The following ARL3 variants were observed in gnomAD, a reference collection of about 807,000 sequenced individuals.
ARL3 encodes ARF like GTPase 3.
Under a neutral mutation model 26.0 loss-of-function variants are expected in ARL3, and 9 were observed. The observed-to-expected ratio is 0.35, with a 90% CI of 0.21 to 0.60. The LOEUF is 0.60. Ranked by LOEUF, ARL3 falls within the 20% of genes least tolerant of loss-of-function variation. The probability of loss-of-function intolerance (pLI) is 0.78; values close to 1 mark genes in which losing one functional copy is unlikely to be tolerated. For synonymous variants in ARL3, 71 were observed against 78.4 expected, an observed-to-expected ratio of 0.91 and a Z score of 0.50; for missense variants, 158 against 215.7, an observed-to-expected ratio of 0.73 and a Z score of 1.67.
intron 1 of ARL3, among the ~76,000 whole-genome samples, chr10:102,710,160 G>C (rs934019481): frequency 2.0e-5 from 3 of 152,190 alleles, no homozygotes; most frequent in Non-Finnish European, 4.4e-5. Flanking sequence ...TCACCTTTGA[G>C]TGAAATTACA....
intron 4 of ARL3, 69 bp from the exon 5 acceptor site, chr10:102,686,070 AC>A: frequency 6.1e-6 from 7 of 1,146,774 alleles, no homozygotes; most frequent in East Asian, 2.7e-5. Context: ...ACCATACACT[AC>A]TTTTTTTTTT....
chr10:102,689,167 A>G (rs920269541), intron 4 of ARL3, among the ~76,000 whole-genome samples: 2 of 152,096 alleles, frequency 1.3e-5, no homozygotes, highest in Non-Finnish European at 2.9e-5. Flanking sequence ...TACTAAAAAT[A>G]CAAAAAAATT....
intron 2 of ARL3, among the ~76,000 whole-genome samples, chr10:102,703,262 C>G (rs1330412179): frequency 3.3e-5 from 5 of 151,220 alleles, no homozygotes; most frequent in Non-Finnish European, 5.9e-5. Flanking sequence ...GCTGGGATAA[C>G]AGGTGCACAC....
chr10:102,681,663 G>T (rs534792143), intron 5 of ARL3, among the ~76,000 whole-genome samples: 1 of 152,254 alleles, frequency 6.6e-6, no homozygotes, highest in East Asian at 1.9e-4. Flanking sequence ...AGGTGAGCAT[G>T]AGGGGGTGGC....
At chr10:102,690,726 G>T (rs2064212537) in intron 3 of ARL3, among the ~76,000 whole-genome samples, 1 of 152,100 alleles carries the variant, frequency 6.6e-6, no homozygotes, top group African/African-American at 2.4e-5. Context: ...GGCCTAAAGA[G>T]AAATGGAAGA....
chr10:102,708,908 A>ATATATATTTTTTTTTT, intron 1 of ARL3, among the ~76,000 whole-genome samples: 2 of 95,350 alleles, frequency 2.1e-5, no homozygotes, highest in East Asian at 3.1e-4. Flanking sequence ...ATATATATAT[A>ATATATATTTTTTTTTT]TTTTTTTTTT....
chr10:102,689,774 G>C, intron 4 of ARL3, 119 bp downstream of exon 4: 1 of 487,572 alleles, frequency 2.1e-6, no homozygotes, highest in Non-Finnish European at 3.6e-6. Context: ...GTTGGGGTGA[G>C]CCGAGATCAT....
rs1338864076 is a variant in ARL3, at chr10:102,676,359, C to T, written c.*535G>A. 1.3e-5 allele frequency: 2 copies of T among 152,704 alleles called. No individual in the cohort carries two copies. The highest frequency in any genetic ancestry group is 4.8e-5 in the African/African-American group (2 of 41,494). 9.5% of individuals were successfully genotyped at this position (152,704 alleles called of 1,614,324 possible). On this transcript the variant is annotated 3_prime_UTR_variant, in exon 6 of 6. Coordinates refer to ENST00000260746, the MANE Select transcript of ARL3 (RefSeq NM_004311.4). ...TTTAATTATCTGCCTTTTCTCCCCCCACCCCCACCCAGCAGCTTCCTGTCG... is the reference window on the plus strand; with the variant it reads ...TTTAATTATCTGCCTTTTCTCCCCCTACCCCCACCCAGCAGCTTCCTGTCG...
At chr10:102,688,116 G>A (rs1336638156) in intron 4 of ARL3, among the ~76,000 whole-genome samples, 1 of 152,180 alleles carries the variant, frequency 6.6e-6, no homozygotes, top group East Asian at 1.9e-4. Context: ...TAGGTTATAG[G>A]TTGGGGTCTA....
intron 2 of ARL3, among the ~76,000 whole-genome samples, chr10:102,702,152 A>G (rs148788815): frequency 9.5e-4 from 144 of 152,170 alleles, no homozygotes; most frequent in African/African-American, 3.3e-3. Context: ...GGATGGTGCC[A>G]CTGTACTCCA....
At chr10:102,684,400 C>T (rs1198026018) in intron 5 of ARL3, among the ~76,000 whole-genome samples, 12 of 152,086 alleles carry the variant, frequency 7.9e-5, no homozygotes, top group East Asian at 3.9e-4. Flanking sequence ...CTGCCTGCCT[C>T]GGCCTCCCAA....
intron 1 of ARL3, among the ~76,000 whole-genome samples, chr10:102,713,973 C>T (rs1472173854): frequency 1.3e-5 from 2 of 152,220 alleles, no homozygotes; most frequent in African/African-American, 4.8e-5. Flanking sequence ...GCCCTCACCC[C>T]TGTCCCCAGA....
At position 102,699,466 on chromosome 10, in the gene ARL3, T is replaced by C. The variant is rs1158298291; in HGVS notation, c.171A>G (p.Gln57=). 3 of 1,609,200 alleles carry C rather than the reference T, an allele frequency of 1.9e-6. No individual in the cohort carries two copies. Among genetic ancestry groups the C allele is most frequent in the Middle Eastern group, 1.7e-4 (1 of 6,052 alleles). ...PTQGFNIKSV[Q]SQGFKLNVWD... ...ATACATTCAGTTTAAAACCTTGTGA[T>C]TGTACACTTTTGATGTTGAAACCCT... Residue 57 remains glutamine (Q), a synonymous_variant, in exon 3 of 6, where the codon CAA becomes CAG. Coordinates refer to ENST00000260746, the MANE Select transcript of ARL3 (RefSeq NM_004311.4).
intron 1 of ARL3, among the ~76,000 whole-genome samples, chr10:102,713,418 T>C (rs1359603399): frequency 6.6e-6 from 1 of 152,216 alleles, no homozygotes; most frequent in Non-Finnish European, 1.5e-5. Flanking sequence ...TCGATCTCCA[T>C]TTTTAACTTC....
chr10:102,707,663 C>T (rs145252093), intron 1 of ARL3, among the ~76,000 whole-genome samples: 3 of 152,340 alleles, frequency 2.0e-5, no homozygotes, highest in African/African-American at 4.8e-5. Context: ...GACAATCATA[C>T]GCAAATATGC....
At chr10:102,700,421 A>AAAAAAAAGG (rs1564732489) in intron 2 of ARL3, among the ~76,000 whole-genome samples, 6 of 149,782 alleles carry the variant, frequency 4.0e-5, no homozygotes, top group South Asian at 2.1e-4. Context: ...AAAAAAAAAA[A>AAAAAAAAGG]GTGCTTTCAT....
chr10:102,688,914 G>A (rs1040951506), intron 4 of ARL3, among the ~76,000 whole-genome samples: 1 of 152,148 alleles, frequency 6.6e-6, no homozygotes, highest in Non-Finnish European at 1.5e-5. Flanking sequence ...TGTTCCTCTG[G>A]GTTCGTTTTC....
intron 1 of ARL3, among the ~76,000 whole-genome samples, chr10:102,709,233 A>C (rs998302695): frequency 1.3e-5 from 2 of 151,878 alleles, no homozygotes; most frequent in African/African-American, 2.4e-5. Context: ...GTTTAAAATT[A>C]ATGTTTTGGG....
intron 1 of ARL3, among the ~76,000 whole-genome samples, chr10:102,708,922 T>TTTTTTTTTTTTTTTTA (rs2064324467): frequency 8.2e-6 from 1 of 122,032 alleles, no homozygotes; most frequent in African/African-American, 3.6e-5. Context: ...TTTTTTTTTT[T>TTTTTTTTTTTTTTTTA]GAGACAAGGT....
Sources: allele counts gnomAD v4.1 joint callset (sites outside exome capture counted in the v4.1 genomes callset), GRCh38; gene constraint gnomAD v4.1.1; transcripts MANE v1.5; gene names NCBI Gene and HGNC (gene_info 2026-07-23, HGNC 2026-07-21).